Variants in C6orf89 observed in about 807,000 individuals in gnomAD.
The protein encoded by C6orf89 is chromosome 6 open reading frame 89, also known as bombesin receptor-activated protein C6orf89.
C6orf89 carries 29 observed loss-of-function variants against 40.7 expected under a neutral mutation model. The ratio of observed to expected loss-of-function variants is 0.71; its 90% CI spans 0.53 to 0.97. The LOEUF (loss-of-function observed/expected upper bound fraction) is 0.97. Among genes scored for constraint, C6orf89 ranks in the 50% least tolerant of loss-of-function variants. The pLI is 0.00. For synonymous variants in C6orf89, 165 were observed against 152.2 expected (o/e 1.08, Z -0.62); for missense variants, 392 against 429.1 (o/e 0.91, Z 0.76).
chr6:36,899,715 TC>T, intron 3 of C6orf89, 82 bp downstream of exon 3: 3 of 1,335,896 alleles, frequency 2.2e-6, no homozygotes, highest in Non-Finnish European at 3.2e-6. Flanking sequence ...TGTTGACTAA[TC>T]CCACCACTGA....
chr6:36,895,948 A>G (rs1761411894), intron 2 of C6orf89, among the ~76,000 whole-genome samples: 1 of 152,180 alleles, frequency 6.6e-6, no homozygotes, highest in African/African-American at 2.4e-5. Context: ...TGGCTGTACC[A>G]TTTTATGTTT....
intron 2 of C6orf89, 21 bp from the exon 3 acceptor site, chr6:36,899,405 T>C: frequency 6.2e-7 from 1 of 1,610,432 alleles, no homozygotes; most frequent in Non-Finnish European, 8.5e-7. Context: ...TTTACATTTA[T>C]TTTCTCTCCG....
chr6:36,916,517 A>G lies in C6orf89; in HGVS notation c.768A>G (p.Lys256=). 6.2e-7 allele frequency: 1 copy of G among 1,614,226 alleles called. No individual in the cohort carries two copies. The highest frequency in any genetic ancestry group is 8.5e-7 in the Non-Finnish European group (1 of 1,180,032). ...FPVFTHLPFP[K]DASLNKCSFL... ...TTTTCACTCACCTGCCATTTCCAAA[A>G]GATGCCTCTTTAAACAAGTGCTCCT... The change falls in exon 7 of 9, where the codon AAA becomes AAG. Residue 256 remains lysine (K), a synonymous_variant. Transcript: ENST00000480824.
At chr6:36,914,018 A>G (rs12193721) in intron 4 of C6orf89, among the ~76,000 whole-genome samples, 24,470 of 152,056 alleles carry the variant, frequency 0.16, 2,204 homozygotes, top group South Asian at 0.22. Flanking sequence ...AAAATTAGCC[A>G]TGTGTGGTGG....
At chr6:36,922,740 G>A (rs1305915536) in intron 8 of C6orf89, among the ~76,000 whole-genome samples, 2 of 152,314 alleles carry the variant, frequency 1.3e-5, no homozygotes, top group African/African-American at 4.8e-5. Context: ...CCCAATTTGG[G>A]CAATGCTGGT....
In C6orf89 at chr6:36,902,450, T is replaced by C. The variant is rs766387124; in HGVS notation, c.403+16T>C. On this transcript the variant is annotated intron_variant, in intron 4 of 8. Coordinates refer to ENST00000480824, the MANE Select transcript of C6orf89 (RefSeq NM_001286635.2). ...CCCTTTCCAGGTAAAATGCAACATT[T>C]ATTACTTATTAGATATAGTTTTCTT... The C allele has an allele frequency of 8.7e-6, 14 of 1,605,032 alleles. No homozygotes were observed. Among genetic ancestry groups the C allele is most frequent in the Non-Finnish European group, 1.2e-5 (14 of 1,172,048 alleles).
upstream of C6orf89, among the ~76,000 whole-genome samples, chr6:36,883,914 C>T (rs1287620397): frequency 1.3e-5 from 2 of 152,172 alleles, no homozygotes; most frequent in African/African-American, 4.8e-5. Flanking sequence ...CAGAAAAGTA[C>T]CTGTGCAGCT....
intron 3 of C6orf89, among the ~76,000 whole-genome samples, chr6:36,901,341 T>C: frequency 1.1e-5 from 1 of 90,590 alleles, no homozygotes; most frequent in East Asian, 3.3e-4. Context: ...TTTTTTTTTT[T>C]TTTTTTTTTT....
rs3734333 is a variant in C6orf89, at chr6:36,925,307, A to T, written c.*1866A>T. 2 of 151,982 alleles carry T rather than the reference A, an allele frequency of 1.3e-5. No homozygotes were observed. The highest frequency in any genetic ancestry group is 2.9e-5 in the Non-Finnish European group (2 of 68,014). The allele number at this position is 151,982 out of a possible 1,614,324, so 9.4% of individuals were successfully genotyped here. ...CTGAGAGTTTTTAAAAATCAGACCC[A>T]TTAACAAAAGAGAGGGTTTCTTAGG... On this transcript the variant is annotated 3_prime_UTR_variant, in exon 9 of 9. Transcript: ENST00000480824.
At chr6:36,879,424 G>T (rs1384394782) in intron 2 of C6orf89, among the ~76,000 whole-genome samples, 1 of 152,062 alleles carries the variant, frequency 6.6e-6, no homozygotes, top group East Asian at 1.9e-4. Context: ...TGGCAAGCTG[G>T]GTCACTGGGG....
intron 6 of C6orf89, among the ~76,000 whole-genome samples, chr6:36,914,943 T>TCGCG (rs1313586822): frequency 6.6e-6 from 1 of 152,110 alleles, no homozygotes; most frequent in African/African-American, 2.4e-5. Context: ...TGAGCTGAGA[T>TCGCG]CGCGCCATTG....
intron 4 of C6orf89, among the ~76,000 whole-genome samples, chr6:36,906,300 A>G (rs1239956065): frequency 6.6e-6 from 1 of 152,234 alleles, no homozygotes; most frequent in Non-Finnish European, 1.5e-5. Flanking sequence ...TATTTGCAAA[A>G]TAAGCTTACC....
At chr6:36,921,379 C>T (rs1762503929) in intron 8 of C6orf89, among the ~76,000 whole-genome samples, 1 of 152,146 alleles carries the variant, frequency 6.6e-6, no homozygotes, top group African/African-American at 2.4e-5. Context: ...GTTCCTCTAC[C>T]TTAGGGACCC....
chr6:36,881,316 T>G (rs1027546600), upstream of C6orf89, among the ~76,000 whole-genome samples: 3 of 152,184 alleles, frequency 2.0e-5, no homozygotes, highest in African/African-American at 7.2e-5. Flanking sequence ...GTTAGAGGGT[T>G]AAAGGATTGT....
At chr6:36,911,260 T>C (rs559818997) in intron 4 of C6orf89, among the ~76,000 whole-genome samples, 9 of 152,158 alleles carry the variant, frequency 5.9e-5, no homozygotes, top group African/African-American at 1.9e-4. Flanking sequence ...AAGGCTGAGG[T>C]TGGCGGATCA....
At chr6:36,900,748 C>G (rs1011223031) in intron 3 of C6orf89, among the ~76,000 whole-genome samples, 1 of 151,978 alleles carries the variant, frequency 6.6e-6, no homozygotes, top group Non-Finnish European at 1.5e-5. Flanking sequence ...TGACTTGAGT[C>G]CAGTCAATCA....
At chr6:36,903,929 G>A (rs1213730233) in intron 4 of C6orf89, among the ~76,000 whole-genome samples, 1 of 151,622 alleles carries the variant, frequency 6.6e-6, no homozygotes, top group Non-Finnish European at 1.5e-5. Flanking sequence ...TATTGGGAAG[G>A]TTGCTTTTGA....
rs1762613986 is a variant in C6orf89 at position 36,924,344 on chromosome 6, G to A, written c.*903G>A. Reference sequence around the variant, plus strand: ...TGCCTCCCTGGGTTTGATCTTTAGGGTCTGACTTTCTGCAGAGAAGATGTT... The same window carrying A: ...TGCCTCCCTGGGTTTGATCTTTAGGATCTGACTTTCTGCAGAGAAGATGTT... On this transcript the variant is annotated 3_prime_UTR_variant, in exon 9 of 9. Transcript: ENST00000480824. 6.6e-6 allele frequency: 1 copy of A among 152,234 alleles called. No individual in the cohort carries two copies. The highest frequency in any genetic ancestry group is 2.4e-5 in the African/African-American group (1 of 41,450). 9.4% of individuals were successfully genotyped at this position (152,234 alleles called of 1,614,324 possible).
At chr6:36,877,478 A>C (rs527733155) in intron 1 of C6orf89, among the ~76,000 whole-genome samples, 32 of 152,112 alleles carry the variant, frequency 2.1e-4, no homozygotes, top group Non-Finnish European at 4.0e-4. Flanking sequence ...CTACAGGCGC[A>C]TGCCACCACA....
Sources: gnomAD v4.1 joint callset for allele counts (sites outside exome capture counted in the v4.1 genomes callset) on GRCh38, gnomAD v4.1.1 for gene constraint, MANE v1.5 for transcripts, NCBI Gene and HGNC (gene_info 2026-07-23, HGNC 2026-07-21) for gene names.